RPS6KA6: variants seen among roughly 807,000 people sequenced by gnomAD.
The protein encoded by RPS6KA6 is ribosomal protein S6 kinase alpha-6.
In RPS6KA6, 27 loss-of-function variants were observed where a neutral mutation model predicts 65.4. The observed-to-expected ratio is 0.41, with a 90% confidence interval of 0.30 to 0.57. The LOEUF is 0.57. RPS6KA6 is among the 20% of genes least tolerant of loss of function. RPS6KA6 has a pLI of 0.24. For missense variants in RPS6KA6, 486 were observed against 555.6 expected, an observed-to-expected ratio of 0.87 and a Z score of 1.26; for synonymous variants, 190 against 184.2, an observed-to-expected ratio of 1.03 and a Z score of -0.26.
In RPS6KA6 at chrX:84,185,953, T is replaced by C. The variant is rs2035923104; in HGVS notation, c.81+1866A>G. On this transcript the variant is annotated intron_variant, in intron 1 of 21. Coordinates refer to ENST00000262752, the MANE Select transcript of RPS6KA6 (RefSeq NM_014496.5). ...AAGTGGGTCTGTTCAAATGTAGCAT[T>C]TAGTTTTCACCTATAATATTTTTTA... is the stretch of plus-strand genomic sequence containing the variant. 6 of 471,298 alleles carry C rather than the reference T, an allele frequency of 1.3e-5. No homozygotes were observed. The South Asian group carries it at 1.7e-4, about 13-fold the overall frequency. 38.8% of individuals were successfully genotyped at this position (471,298 alleles called of 1,213,427 possible).
chrX:84,074,472 C>T (rs951151169), intron 20 of RPS6KA6, among the ~76,000 whole-genome samples: 2 of 111,027 alleles, frequency 1.8e-5, no homozygotes, highest in Admixed American at 1.9e-4. Flanking sequence ...ATATAAATAA[C>T]GATACTGTAT....
intron 6 of RPS6KA6, among the ~76,000 whole-genome samples, chrX:84,140,994 C>T (rs2035092567): frequency 9.1e-6 from 1 of 110,119 alleles, no homozygotes; most frequent in African/African-American, 3.3e-5. Context: ...AAATACTTCC[C>T]TAGTCCCACA....
intron 3 of RPS6KA6, among the ~76,000 whole-genome samples, chrX:84,153,437 T>C (rs953996280): frequency 1.2e-4 from 13 of 111,674 alleles, no homozygotes; most frequent in African/African-American, 4.2e-4. Flanking sequence ...TGATCATTAA[T>C]AGCATTATAC....
intron 18 of RPS6KA6, among the ~76,000 whole-genome samples, chrX:84,101,285 C>G (rs1410303370): frequency 2.7e-5 from 3 of 110,877 alleles, no homozygotes. Context: ...TCTCTTGATT[C>G]ATTTTTCCCC....
intron 3 of RPS6KA6, among the ~76,000 whole-genome samples, chrX:84,153,785 G>A (rs1248070500): frequency 9.0e-6 from 1 of 110,805 alleles, no homozygotes; most frequent in East Asian, 2.8e-4. Flanking sequence ...ACACTGACAA[G>A]CAAGTATGTT....
chrX:84,062,952 T>TAGTAGTAGTAGTAGTAGCAGC lies in RPS6KA6; in HGVS notation c.*1324_*1325insGCTGCTACTACTACTACTACT, dbSNP rs760428123. ...GTAGTAGTAGTAGTAGTAGTAGTAGTAGCAGTAGTAGCTGCTGCTGTTGTT... is the reference window on the plus strand; with the variant it reads ...GTAGTAGTAGTAGTAGTAGTAGTAGTAGTAGTAGTAGTAGTAGCAGCAGCAGTAGTAGCTGCTGCTGTTGTT... On this transcript the variant is annotated 3_prime_UTR_variant, in exon 22 of 22. Coordinates refer to ENST00000262752, the MANE Select transcript of RPS6KA6 (RefSeq NM_014496.5). 2 of 110,231 alleles carry TAGTAGTAGTAGTAGTAGCAGC rather than the reference T, an allele frequency of 1.8e-5. No individual in the cohort carries two copies. The highest frequency in any genetic ancestry group is 3.8e-4 in the South Asian group (1 of 2,635). 9.1% of individuals were successfully genotyped at this position (110,231 alleles called of 1,213,427 possible).
At chrX:84,136,640 TA>T (rs1386382648) in intron 6 of RPS6KA6, among the ~76,000 whole-genome samples, 6 of 111,429 alleles carry the variant, frequency 5.4e-5, no homozygotes, top group African/African-American at 1.9e-4. Flanking sequence ...TATTTAAAAC[TA>T]AATTAGAAAA....
At chrX:84,104,822 G>T (rs1403073978) in intron 16 of RPS6KA6, among the ~76,000 whole-genome samples, 165 bp from the exon 17 acceptor site, 1 of 110,467 alleles carries the variant, frequency 9.1e-6, no homozygotes, top group Middle Eastern at 4.7e-3. Flanking sequence ...CTGTACTAAA[G>T]GTTGAATTGG....
At chrX:84,174,484 C>T (rs1002201501) in intron 1 of RPS6KA6, among the ~76,000 whole-genome samples, 5 of 111,255 alleles carry the variant, frequency 4.5e-5, no homozygotes, top group African/African-American at 1.6e-4. Context: ...ATACAGCCTC[C>T]AAGCGATTAC....
At chrX:84,186,113 T>A (rs1338282429) in intron 1 of RPS6KA6, 1 of 511,482 alleles carries the variant, frequency 2.0e-6, no homozygotes, top group Non-Finnish European at 3.5e-6. Context: ...TCGAGTATTT[T>A]TCCAAATTGC....
intron 20 of RPS6KA6, among the ~76,000 whole-genome samples, chrX:84,085,510 T>C (rs2033900144): frequency 1.8e-5 from 2 of 112,164 alleles, no homozygotes; most frequent in South Asian, 7.4e-4. Flanking sequence ...GAACCAACCT[T>C]ACATCCTGGG....
At chrX:84,166,123 A>G (rs368622915) in intron 1 of RPS6KA6, among the ~76,000 whole-genome samples, 4 of 112,360 alleles carry the variant, frequency 3.6e-5, no homozygotes, top group Admixed American at 1.9e-4. Context: ...TAGCACATCC[A>G]ATGAGTGGCA....
At chrX:84,073,473 A>T (rs772413661) in intron 20 of RPS6KA6, among the ~76,000 whole-genome samples, 1 of 111,785 alleles carries the variant, frequency 8.9e-6, no homozygotes, top group Non-Finnish European at 1.9e-5. Context: ...TTGGATAAGA[A>T]TTTTTGGGCA....
At chrX:84,114,822 G>A (rs2034534299) in intron 12 of RPS6KA6, among the ~76,000 whole-genome samples, 1 of 111,881 alleles carries the variant, frequency 8.9e-6, no homozygotes, top group Admixed American at 9.5e-5. Context: ...ATAGCCATCT[G>A]ATTTTCTACA....
chrX:84,172,668 T>C (rs1397789542), intron 1 of RPS6KA6, among the ~76,000 whole-genome samples: 1 of 112,186 alleles, frequency 8.9e-6, no homozygotes. Flanking sequence ...TGTACACCTA[T>C]GTTCATAGCA....
At chrX:84,159,816 A>G (rs1256613617) in intron 2 of RPS6KA6, among the ~76,000 whole-genome samples, 1 of 110,497 alleles carries the variant, frequency 9.1e-6, no homozygotes, top group Admixed American at 9.7e-5. Context: ...GTTCTAATTC[A>G]ATATGACTGA....
intron 10 of RPS6KA6, 107 bp downstream of exon 10, chrX:84,117,277 C>A: frequency 1.6e-6 from 1 of 641,497 alleles, no homozygotes; most frequent in African/African-American, 2.2e-5. Context: ...GGGAACAAGA[C>A]AGTGAGAAAA....
Position 84,155,509 on chromosome X carries a change from C to T in RPS6KA6, c.258+566G>A, listed in dbSNP as rs141268171. Among the ~76,000 whole-genome samples, 215 of 111,881 alleles carry T rather than the reference C, an allele frequency of 1.9e-3. 1 individual carries two copies. The highest frequency in any genetic ancestry group is 6.8e-3 in the African/African-American group (211 of 30,853). On this transcript the variant is annotated intron_variant, in intron 3 of 21. Coordinates refer to ENST00000262752, the MANE Select transcript of RPS6KA6 (RefSeq NM_014496.5). ...AGTGCTTAATAAACAACTTTAGTAACGACTATAATAGTTATTCTTACTCAA... is the reference window on the plus strand; with the variant it reads ...AGTGCTTAATAAACAACTTTAGTAATGACTATAATAGTTATTCTTACTCAA...
rs374657233 is a variant in RPS6KA6 at position 84,080,320 on chromosome X, T to G, written c.1972-15209A>C. Among the ~76,000 whole-genome samples, 3 of 87,174 alleles carry G rather than the reference T, an allele frequency of 3.4e-5. No individual in the cohort carries two copies. The East Asian group carries it at 1.2e-3, about 34-fold the overall frequency. The allele number at this position is 87,174 out of a possible 115,157, so 75.7% of individuals were successfully genotyped here. A position where few individuals can be genotyped will look rare whatever the true frequency, so the allele number is the denominator to read the frequency against. ...AGGAAAACTAACAAACAGAAAGGAATAGCATCAACATCAACAAAAAGGATG... is the reference window on the plus strand; with the variant it reads ...AGGAAAACTAACAAACAGAAAGGAAGAGCATCAACATCAACAAAAAGGATG... On this transcript the variant is annotated intron_variant, in intron 20 of 21. Coordinates refer to ENST00000262752, the MANE Select transcript of RPS6KA6 (RefSeq NM_014496.5).
Sources: allele counts gnomAD v4.1 joint callset (sites outside exome capture counted in the v4.1 genomes callset), GRCh38; gene constraint gnomAD v4.1.1; transcripts MANE v1.5; gene names NCBI Gene and HGNC (gene_info 2026-07-23, HGNC 2026-07-21).